Variants in CNOT6L observed in about 807,000 individuals in gnomAD.
CNOT6L encodes CCR4-NOT transcription complex subunit 6 like, also known as CCR4-NOT transcription complex subunit 6-like.
CNOT6L carries 7 observed loss-of-function variants against 64.0 expected under a neutral mutation model. The ratio of observed to expected loss-of-function variants is 0.11; its 90% CI spans 0.06 to 0.21. The LOEUF is 0.21. Among genes scored for constraint, CNOT6L ranks in the 10% least tolerant of loss-of-function variants. The probability of loss-of-function intolerance (pLI) is 1.00; values close to 1 mark genes in which losing one functional copy is unlikely to be tolerated. For missense variants in CNOT6L, 245 were observed against 669.0 expected, an observed-to-expected ratio of 0.37 and a Z score of 6.99; for synonymous variants, 193 against 243.4, an observed-to-expected ratio of 0.79 and a Z score of 1.93.
At chr4:77,739,920 C>T (rs533287529) in intron 8 of CNOT6L, among the ~76,000 whole-genome samples, 1 of 152,176 alleles carries the variant, frequency 6.6e-6, no homozygotes, top group South Asian at 2.1e-4. Context: ...TAGATTTTTC[C>T]TCTCAAAACT....
rs201499481 is a variant in CNOT6L, at chr4:77,714,438, TAAAAAAAAAAAAA to T, written c.*5980_*5992del. On this transcript the variant is annotated 3_prime_UTR_variant, in exon 12 of 12. Coordinates refer to ENST00000504123, the MANE Select transcript of CNOT6L (RefSeq NM_144571.3). ...AGAAAAAGTACATACACACTCTCTT[TAAAAAAAAAAAAA>T]AAAAAAAAAAAAAAAAAAAAAAAAG... 341 of 134,548 alleles carry T rather than the reference TAAAAAAAAAAAAA, an allele frequency of 2.5e-3. 2 individuals are homozygous for T. Among genetic ancestry groups the T allele is most frequent in the African/African-American group, 9.3e-3 (312 of 33,624 alleles). 8.3% of individuals were successfully genotyped at this position (134,548 alleles called of 1,614,324 possible). A position where few individuals can be genotyped will look rare whatever the true frequency, so the allele number is the denominator to read the frequency against.
intron 8 of CNOT6L, among the ~76,000 whole-genome samples, chr4:77,733,865 C>A (rs1722687494): frequency 1.3e-5 from 2 of 152,084 alleles, no homozygotes; most frequent in African/African-American, 4.8e-5. Context: ...CCCTCCATGT[C>A]TTCTCCGGAA....
At chr4:77,818,409 T>C (rs1733809424) in intron 1 of CNOT6L, among the ~76,000 whole-genome samples, 1 of 152,116 alleles carries the variant, frequency 6.6e-6, no homozygotes, top group African/African-American at 2.4e-5. Context: ...CCAGTTTCCC[T>C]TTCTTCCTCA....
intron 5 of CNOT6L, among the ~76,000 whole-genome samples, chr4:77,755,223 G>GTTTTTTTTT (rs869054667): frequency 1.4e-5 from 1 of 70,392 alleles, no homozygotes; most frequent in East Asian, 4.9e-4. Flanking sequence ...AGAGACAAGA[G>GTTTTTTTTT]TTTTTTTTTT....
intron 4 of CNOT6L, among the ~76,000 whole-genome samples, chr4:77,759,334 G>A (rs1188370629): frequency 6.6e-6 from 1 of 151,844 alleles, no homozygotes; most frequent in Non-Finnish European, 1.5e-5. Context: ...GGGAGGCCGA[G>A]GCGGGTGGAT....
At chr4:77,814,465 A>AC (rs1733336696) in intron 1 of CNOT6L, among the ~76,000 whole-genome samples, 1 of 152,210 alleles carries the variant, frequency 6.6e-6, no homozygotes. Flanking sequence ...GAATGTCTAT[A>AC]AACAGTTTAT....
At chr4:77,747,993 G>A (rs1577943428) in intron 6 of CNOT6L, among the ~76,000 whole-genome samples, 1 of 152,080 alleles carries the variant, frequency 6.6e-6, no homozygotes, top group South Asian at 2.1e-4. Flanking sequence ...CATTTGGAAA[G>A]CTGTATTATA....
chr4:77,746,864 T>C (rs1724251562), intron 6 of CNOT6L, among the ~76,000 whole-genome samples: 1 of 152,134 alleles, frequency 6.6e-6, no homozygotes, highest in Non-Finnish European at 1.5e-5. Flanking sequence ...ATGTTATTCA[T>C]AACACTGACA....
Position 77,793,948 on chromosome 4 carries a change from C to T in CNOT6L, c.6-17556G>A, listed in dbSNP as rs1236530139. 3.3e-5 allele frequency among the ~76,000 whole-genome samples: 5 copies of T among 151,404 alleles called. No homozygotes were observed. In the South Asian group the frequency reaches 8.3e-4, roughly 25 times the overall value. On this transcript the variant is annotated intron_variant, in intron 1 of 11. Transcript: ENST00000504123. ...GGTAGATCAACTGAGGTCAGGGGTTCGAGACCAGCCTGGCCAACATAGTAA... is the reference window on the plus strand; with the variant it reads ...GGTAGATCAACTGAGGTCAGGGGTTTGAGACCAGCCTGGCCAACATAGTAA...
chr4:77,819,093 C>CGCGCA (rs1733988013), intron 1 of CNOT6L: 1 of 813,754 alleles, frequency 1.2e-6, no homozygotes, highest in African/African-American at 1.9e-5. Context: ...CCTTCGCCCG[C>CGCGCA]CTCTGAAGAG....
At chr4:77,751,640 C>T (rs957055285) in intron 5 of CNOT6L, among the ~76,000 whole-genome samples, 2 of 152,098 alleles carry the variant, frequency 1.3e-5, no homozygotes, top group African/African-American at 4.8e-5. Flanking sequence ...ACCTTAAAAA[C>T]ATCAGACAGA....
intron 1 of CNOT6L, among the ~76,000 whole-genome samples, chr4:77,803,199 A>G (rs1731797626): frequency 6.6e-6 from 1 of 152,116 alleles, no homozygotes; most frequent in African/African-American, 2.4e-5. Context: ...TCACAAAAGA[A>G]TGCAGTGGCC....
In CNOT6L at chr4:77,769,547, TTTC is replaced by T. The variant is rs548907840; in HGVS notation, c.400+3531_400+3533del. On this transcript the variant is annotated intron_variant, in intron 4 of 11. Coordinates refer to ENST00000504123, the MANE Select transcript of CNOT6L (RefSeq NM_144571.3). ...ATATGTTCTCTACTAGACTGTTCTT[TTTC>T]TTATTGATTTTTAGAAGCTCACATA... Among the ~76,000 whole-genome samples, 229 of 152,284 alleles carry T rather than the reference TTTC, an allele frequency of 1.5e-3. No homozygotes were observed. In the Middle Eastern group the frequency reaches 0.017, roughly 11 times the overall value.
At chr4:77,766,530 T>G (rs1380695517) in intron 4 of CNOT6L, among the ~76,000 whole-genome samples, 1 of 143,740 alleles carries the variant, frequency 7.0e-6, no homozygotes, top group Non-Finnish European at 1.5e-5. Flanking sequence ...ATTAAATATG[T>G]AAGAACTGGA....
intron 1 of CNOT6L, among the ~76,000 whole-genome samples, chr4:77,807,543 G>T (rs9654194): frequency 0.52 from 78,204 of 151,852 alleles, 20,367 homozygotes; most frequent in Admixed American, 0.55. Context: ...GTTTCCCAAA[G>T]TAGGAAGTAC....
Position 77,773,172 on chromosome 4 carries a change from T to TA in CNOT6L, c.315-7_315-6insT. On this transcript the variant is annotated splice_polypyrimidine_tract_variant and splice_region_variant and intron_variant, in intron 3 of 11. Transcript: ENST00000504123. ...TGTTATTTAAAAGCAATTCCCTGTTTTAAAAAAAAAAAAAAAATTAGTTTA... is the reference window on the plus strand; with the variant it reads ...TGTTATTTAAAAGCAATTCCCTGTTTATAAAAAAAAAAAAAAAATTAGTTTA... 17 of 1,526,422 alleles carry TA rather than the reference T, an allele frequency of 1.1e-5. No homozygotes were observed. The highest frequency in any genetic ancestry group is 7.1e-5 in the East Asian group (3 of 42,134). 94.6% of individuals were successfully genotyped at this position (1,526,422 alleles called of 1,614,324 possible).
At chr4:77,729,527 A>G (rs769236279) in intron 9 of CNOT6L, among the ~76,000 whole-genome samples, 1 of 152,234 alleles carries the variant, frequency 6.6e-6, no homozygotes, top group African/African-American at 2.4e-5. Flanking sequence ...ATTAACCTAT[A>G]TAAGATAAAA....
At chr4:77,774,305 A>G (rs1035484414) in intron 3 of CNOT6L, among the ~76,000 whole-genome samples, 2 of 152,120 alleles carry the variant, frequency 1.3e-5, no homozygotes, top group Non-Finnish European at 2.9e-5. Context: ...CCCCACCTCA[A>G]GTTTGTCAAG....
chr4:77,773,033 C>T, intron 4 of CNOT6L, 48 bp downstream of exon 4: 3 of 1,232,354 alleles, frequency 2.4e-6, no homozygotes, highest in Non-Finnish European at 3.5e-6. Flanking sequence ...GGCCAAAATG[C>T]TCTTTAAAAG....
Sources: allele counts gnomAD v4.1 joint callset (sites outside exome capture counted in the v4.1 genomes callset), GRCh38; gene constraint gnomAD v4.1.1; transcripts MANE v1.5; gene names NCBI Gene and HGNC (gene_info 2026-07-23, HGNC 2026-07-21).